Variants in PTPRN2 observed in about 807,000 individuals in gnomAD.
PTPRN2 encodes receptor-type tyrosine-protein phosphatase N2.
Under a neutral mutation model 118.8 loss-of-function variants are expected in PTPRN2, and 74 were observed. The ratio of observed to expected loss-of-function variants is 0.62; its 90% CI spans 0.52 to 0.76. The LOEUF is 0.76. Among genes scored for constraint, PTPRN2 ranks in the 30% least tolerant of loss-of-function variants. The pLI is 0.00. For synonymous variants in PTPRN2, 641 were observed against 608.0 expected (o/e 1.05, Z -0.80); for missense variants, 1,481 against 1,394.4 (o/e 1.06, Z -0.99).
At chr7:158,553,698 A>T (rs1826807305) in intron 1 of PTPRN2, among the ~76,000 whole-genome samples, 1 of 150,520 alleles carries the variant, frequency 6.6e-6, no homozygotes, top group Non-Finnish European at 1.5e-5. Flanking sequence ...CTGGGAGTCT[A>T]CGCCACCTTC....
intron 10 of PTPRN2, 31 bp downstream of exon 10, chr7:158,110,798 C>A (rs1554542601): frequency 3.2e-6 from 5 of 1,551,184 alleles, no homozygotes; most frequent in South Asian, 1.2e-5. Flanking sequence ...GCAACAGGAG[C>A]CAAACAGAAA....
chr7:157,976,642 C>T (rs1166089237), intron 11 of PTPRN2, among the ~76,000 whole-genome samples: 4 of 151,832 alleles, frequency 2.6e-5, no homozygotes, highest in Non-Finnish European at 5.9e-5. Flanking sequence ...TGGTCCATCC[C>T]TCTCCCTGCC....
intron 22 of PTPRN2, among the ~76,000 whole-genome samples, chr7:157,545,920 A>G (rs968022464): frequency 1.3e-5 from 2 of 152,214 alleles, no homozygotes; most frequent in Non-Finnish European, 2.9e-5. Flanking sequence ...ATTGGACAGC[A>G]GCATTTTGCC....
At position 157,764,340 on chromosome 7, in the gene PTPRN2, A is replaced by G. The variant is rs1034382584; in HGVS notation, c.1789-81403T>C. ...GGTGAGGCCACCCAAGCGTCCACCA[A>G]TGGAAGAAAAGATAAACATCATGTG... On this transcript the variant is annotated intron_variant, in intron 12 of 22. Coordinates refer to ENST00000389418, the MANE Select transcript of PTPRN2 (RefSeq NM_002847.5). The surrounding 1 kb of genome is among the most constrained non-coding windows in gnomAD (Gnocchi z 4.5). Among the ~76,000 whole-genome samples the G allele has an allele frequency of 6.6e-6, 1 of 152,244 alleles. No homozygotes were observed. The highest frequency in any genetic ancestry group is 2.4e-5 in the African/African-American group (1 of 41,468).
intron 14 of PTPRN2, among the ~76,000 whole-genome samples, chr7:157,628,200 G>A (rs558175186): frequency 1.3e-5 from 2 of 152,290 alleles, no homozygotes; most frequent in East Asian, 3.9e-4. Flanking sequence ...CAAAATTTGT[G>A]TAACAAAAGT....
chr7:158,552,434 T>C (rs1032163965), intron 1 of PTPRN2, among the ~76,000 whole-genome samples: 6 of 152,212 alleles, frequency 3.9e-5, no homozygotes, highest in Non-Finnish European at 7.3e-5. Context: ...TAAAAAATAA[T>C]TTTTCTCTAG....
At chr7:158,317,600 A>C (rs916011520) in intron 2 of PTPRN2, among the ~76,000 whole-genome samples, 1 of 152,222 alleles carries the variant, frequency 6.6e-6, no homozygotes, top group Non-Finnish European at 1.5e-5. Context: ...CGAATTGTTC[A>C]CTTTGAGACA....
intron 11 of PTPRN2, among the ~76,000 whole-genome samples, chr7:157,931,299 T>C (rs1585037092): frequency 1.3e-5 from 2 of 152,222 alleles, no homozygotes; most frequent in Non-Finnish European, 2.9e-5. Flanking sequence ...TAAGAATTAA[T>C]TGTGACTCAT....
chr7:158,310,407 A>G (rs1249233371), intron 3 of PTPRN2, among the ~76,000 whole-genome samples: 2 of 152,246 alleles, frequency 1.3e-5, no homozygotes, highest in Admixed American at 6.5e-5. Flanking sequence ...GGAACACACT[A>G]TCGGACGGTG....
chr7:157,852,863 CAA>C lies in PTPRN2; in HGVS notation c.1788+45808_1788+45809del, dbSNP rs58298308. Among the ~76,000 whole-genome samples, 555 of 102,628 alleles carry C rather than the reference CAA, an allele frequency of 5.4e-3. 4 individuals carry two copies. Among genetic ancestry groups the C allele is most frequent in the African/African-American group, 0.02 (513 of 25,758 alleles). The allele number at this position is 102,628 out of a possible 152,430, so 67.3% of individuals were successfully genotyped here. ...CAGCTCGGCAACACAGCAAGTCTCT[CAA>C]AAAAAAAAAAAAAAAAAATACTAGC... On this transcript the variant is annotated intron_variant, in intron 12 of 22. Coordinates refer to ENST00000389418, the MANE Select transcript of PTPRN2 (RefSeq NM_002847.5).
intron 2 of PTPRN2, among the ~76,000 whole-genome samples, chr7:158,394,959 C>A (rs1812228378): frequency 6.6e-6 from 1 of 152,232 alleles, no homozygotes; most frequent in Non-Finnish European, 1.5e-5. Flanking sequence ...CCGGGGGCAC[C>A]CCAGCCAGCA....
intron 11 of PTPRN2, among the ~76,000 whole-genome samples, chr7:158,070,563 TG>T (rs1427349382): frequency 1.3e-4 from 14 of 106,064 alleles, no homozygotes; most frequent in African/African-American, 3.1e-4. Flanking sequence ...CCCATGGTGG[TG>T]GTGGAGGTGC....
chr7:157,804,731 C>T (rs1022654732), intron 12 of PTPRN2, among the ~76,000 whole-genome samples: 1 of 152,202 alleles, frequency 6.6e-6, no homozygotes, highest in Middle Eastern at 3.2e-3. Flanking sequence ...AGACCACCCA[C>T]CCACCATTCA....
chr7:158,384,774 ACT>A (rs1811208140), intron 2 of PTPRN2, among the ~76,000 whole-genome samples: 2 of 152,178 alleles, frequency 1.3e-5, no homozygotes, highest in Admixed American at 1.3e-4. Flanking sequence ...TTAAACATGC[ACT>A]CTTTGTAAAA....
At chr7:158,123,282 A>G (rs931258629) in intron 9 of PTPRN2, among the ~76,000 whole-genome samples, 10 of 152,226 alleles carry the variant, frequency 6.6e-5, no homozygotes, top group African/African-American at 1.9e-4. Flanking sequence ...CCCCATGCAG[A>G]GAAGCAACGC....
chr7:158,067,931 G>A (rs545505408), intron 11 of PTPRN2, among the ~76,000 whole-genome samples: 7 of 152,276 alleles, frequency 4.6e-5, no homozygotes, highest in Admixed American at 1.3e-4. Flanking sequence ...TTGGTGAGGC[G>A]GCAGGGTCGG....
At position 157,775,297 on chromosome 7, in the gene PTPRN2, C is replaced by T. The variant is rs148362781; in HGVS notation, c.1789-92360G>A. ...TTAGAGGGACAGAAATCCACAGGAC[C>T]CCAGTTTCCACCCAAATTCATGAGC... On this transcript the variant is annotated intron_variant, in intron 12 of 22. Coordinates refer to ENST00000389418, the MANE Select transcript of PTPRN2 (RefSeq NM_002847.5). Among the ~76,000 whole-genome samples the T allele has an allele frequency of 4.3e-4, 66 of 152,298 alleles. 1 individual carries two copies. The East Asian group carries it at 0.012, about 28-fold the overall frequency.
intron 12 of PTPRN2, among the ~76,000 whole-genome samples, chr7:157,700,882 C>T (rs974365197): frequency 1.9e-4 from 29 of 152,196 alleles, no homozygotes; most frequent in Non-Finnish European, 1.8e-4. Context: ...GCGGTGGGCT[C>T]GGGGCCTTTC....
chr7:158,000,372 A>ATGCT (rs386411815), intron 11 of PTPRN2, among the ~76,000 whole-genome samples: 2 of 151,632 alleles, frequency 1.3e-5, no homozygotes, highest in East Asian at 2.0e-4. Flanking sequence ...CCCCAGGGCC[A>ATGCT]TGCTTGGTTT....
Sources: allele counts gnomAD v4.1 joint callset (sites outside exome capture counted in the v4.1 genomes callset), GRCh38; gene constraint gnomAD v4.1.1; non-coding constraint Gnocchi (gnomAD v3.1); transcripts MANE v1.5; gene names NCBI Gene and HGNC (gene_info 2026-07-23, HGNC 2026-07-21).